The following CCDC183 variants were observed in gnomAD, a reference collection of about 807,000 sequenced individuals.
CCDC183 encodes coiled-coil domain-containing protein 183.
CCDC183 carries 63 observed loss-of-function variants against 65.2 expected under a neutral mutation model. That is an observed-to-expected ratio of 0.97 (90% CI 0.79 to 1.19). The LOEUF (loss-of-function observed/expected upper bound fraction) is 1.19, where lower values mean the gene tolerates loss of function less well. CCDC183 is among the 50% of genes most tolerant of loss of function. The pLI, the probability that CCDC183 is intolerant of heterozygous loss-of-function variation, is 0.00. For missense variants in CCDC183, 769 were observed against 689.3 expected, an observed-to-expected ratio of 1.12 and a Z score of -1.30; for synonymous variants, 323 against 276.5, an observed-to-expected ratio of 1.17 and a Z score of -1.67.
chr9:136,802,611 G>T, intron 5 of CCDC183, 53 bp from the exon 6 acceptor site: 1 of 1,552,398 alleles, frequency 6.4e-7, no homozygotes, highest in South Asian at 1.2e-5. Context: ...TAAAAGCTCG[G>T]GGCAACTGCA....
chr9:136,797,559 C>T (rs1283061062), intron 1 of CCDC183, among the ~76,000 whole-genome samples: 3 of 151,976 alleles, frequency 2.0e-5, no homozygotes, highest in Non-Finnish European at 2.9e-5. Context: ...CTGCCTCAGC[C>T]TCCCAAGTAG....
Position 136,800,429 on chromosome 9 carries a change from T to TG in CCDC183, c.479_480insG (p.Ile160MetfsTer30), listed in dbSNP as rs1304075025. The TG allele has an allele frequency of 6.2e-7, 1 of 1,612,696 alleles. No homozygotes were observed. Among genetic ancestry groups the TG allele is most frequent in the Non-Finnish European group, 8.5e-7 (1 of 1,179,502 alleles). ...GAGAACAACATCGAGAAGACAATGA[T>TG]CAAGATCATCACCAGCCAGAACATC... On this transcript the variant is annotated frameshift_variant, in exon 5 of 14. Coordinates refer to ENST00000338005, the MANE Select transcript of CCDC183 (RefSeq NM_001039374.5). LOFTEE classifies it high-confidence loss of function.
At chr9:136,806,476 ACTG>A in intron 10 of CCDC183, 25 bp from the exon 11 acceptor site, 1 of 1,612,846 alleles carries the variant, frequency 6.2e-7, no homozygotes. Context: ...TGTGCCCCTC[ACTG>A]CTGTGTCCCT....
rs1847853586 is a variant in CCDC183, at chr9:136,806,522, G to A, written c.1128G>A (p.Lys376=). Residue 376 remains lysine (K), a synonymous_variant, in exon 11 of 14, where the codon AAG becomes AAA. Coordinates refer to ENST00000338005, the MANE Select transcript of CCDC183 (RefSeq NM_001039374.5). ...PSSISFKSVE[K]KMTDMLKEEE... ...TCTGCAGCTTCAAGTCCGTTGAGAAGAAAATGACAGACATGCTAAAAGAGG... is the reference window on the plus strand; with the variant it reads ...TCTGCAGCTTCAAGTCCGTTGAGAAAAAAATGACAGACATGCTAAAAGAGG... 3.1e-6 allele frequency: 5 copies of A among 1,613,484 alleles called. No individual in the cohort carries two copies. Among genetic ancestry groups the A allele is most frequent in the African/African-American group, 1.3e-5 (1 of 75,084 alleles).
At chr9:136,798,939 G>A (rs1208986519) in intron 1 of CCDC183, among the ~76,000 whole-genome samples, 163 bp from the exon 2 acceptor site, 2 of 152,214 alleles carry the variant, frequency 1.3e-5, no homozygotes, top group African/African-American at 2.4e-5. Flanking sequence ...GCAGTGGAGC[G>A]GTGTCCCCCA....
Position 136,799,255 on chromosome 9 carries a change from G to A in CCDC183, c.192+32G>A, listed in dbSNP as rs371458616. 76 of 1,571,786 alleles carry A rather than the reference G, an allele frequency of 4.8e-5. No homozygotes were observed. In the Middle Eastern group the frequency reaches 8.6e-4, roughly 18 times the overall value. ...AAACGCCGCCCCTCCCCTCTGCCTG[G>A]CGAGCAGGGCAGGAGCTGAGTACAC... is the stretch of plus-strand genomic sequence containing the variant. On this transcript the variant is annotated intron_variant, in intron 2 of 13. Transcript: ENST00000338005.
Position 136,804,371 on chromosome 9 carries a change from G to A in CCDC183, c.667-131G>A, listed in dbSNP as rs1430765267. 1.6e-6 allele frequency: 2 copies of A among 1,258,278 alleles called. No individual in the cohort carries two copies. The highest frequency in any genetic ancestry group is 2.2e-6 in the Non-Finnish European group (2 of 925,974). The allele number at this position is 1,258,278 out of a possible 1,614,324, so 77.9% of individuals were successfully genotyped here. On this transcript the variant is annotated intron_variant, in intron 6 of 13. Coordinates refer to ENST00000338005, the MANE Select transcript of CCDC183 (RefSeq NM_001039374.5). The surrounding 1 kb of genome is among the most constrained non-coding windows in gnomAD (Gnocchi z 4.1). Reference sequence around the variant, plus strand: ...GGCACAAGTGGTTTAGGAAAAGGGTGTGGCCATTGGCCGGGGATGCAGTTC... The same window carrying A: ...GGCACAAGTGGTTTAGGAAAAGGGTATGGCCATTGGCCGGGGATGCAGTTC...
chr9:136,799,840 G>T (rs746100452), intron 3 of CCDC183, 50 bp downstream of exon 3: 2 of 1,258,840 alleles, frequency 1.6e-6, no homozygotes, highest in East Asian at 3.9e-5. Context: ...ACCCCTGCCA[G>T]CACCCCCCCA....
At chr9:136,801,998 C>G (rs1380274857) in intron 5 of CCDC183, among the ~76,000 whole-genome samples, 1 of 152,026 alleles carries the variant, frequency 6.6e-6, no homozygotes, top group Non-Finnish European at 1.5e-5. Context: ...ACTATGTTGG[C>G]CAGGCTGGTC....
chr9:136,797,498 G>A (rs927361374), intron 1 of CCDC183, among the ~76,000 whole-genome samples: 2 of 151,746 alleles, frequency 1.3e-5, no homozygotes. Flanking sequence ...CAGTGCAGTG[G>A]CGCGATCTCG....
At position 136,800,170 on chromosome 9, in the gene CCDC183, G is replaced by A. The variant is rs990966725; in HGVS notation, c.438+1G>A. 1 of 1,526,746 alleles carries A rather than the reference G, an allele frequency of 6.5e-7. No homozygotes were observed. Among genetic ancestry groups the A allele is most frequent in the Non-Finnish European group, 8.8e-7 (1 of 1,141,010 alleles). 94.6% of individuals were successfully genotyped at this position (1,526,746 alleles called of 1,614,324 possible). A position where few individuals can be genotyped will look rare whatever the true frequency, so the allele number is the denominator to read the frequency against. On this transcript the variant is annotated splice_donor_variant, in intron 4 of 13. Coordinates refer to ENST00000338005, the MANE Select transcript of CCDC183 (RefSeq NM_001039374.5). LOFTEE classifies it high-confidence loss of function. ...CAAGGAGGAGCTGCGGCTGCTGCAG[G>A]TGGAGAGGCGGGGCTGGGAGGGCGG...
rs1220454064 is a variant in CCDC183 at position 136,796,435 on chromosome 9, C to T, written c.38C>T (p.Thr13Ile). 6.3e-7 allele frequency: 1 copy of T among 1,580,980 alleles called. No homozygotes were observed. The highest frequency in any genetic ancestry group is 1.2e-5 in the South Asian group (1 of 86,332). Reference protein sequence around the residue: ...RHSETDVEEQTQELKTITQLQ... With the variant: ...RHSETDVEEQIQELKTITQLQ... ...AGTGAGACAGATGTGGAAGAGCAGA[C>T]CCAGGAGCTGAAGACCATCACTCAG... Residue 13 changes from threonine (T) to isoleucine (I), a missense_variant, in exon 1 of 14, where the codon ACC (threonine) becomes ATC (isoleucine). By Grantham distance (89) the Thr-to-Ile change is moderately conservative. Coordinates refer to ENST00000338005, the MANE Select transcript of CCDC183 (RefSeq NM_001039374.5).
chr9:136,799,456 C>A, intron 2 of CCDC183: 1 of 770,010 alleles, frequency 1.3e-6, no homozygotes, highest in Non-Finnish European at 2.0e-6. Context: ...GAGCCCACAT[C>A]CTGCAGCAGG....
rs914838347 is a variant in CCDC183, at chr9:136,804,634, C to A, written c.792+7C>A. On this transcript the variant is annotated splice_region_variant and intron_variant, in intron 7 of 13. Coordinates refer to ENST00000338005, the MANE Select transcript of CCDC183 (RefSeq NM_001039374.5). This position sits in a 1 kb window ranked among gnomAD's most constrained non-coding sequence, Gnocchi z 4.1. ...CAGCGAGAAGTACCGCCGGGTAAGC[C>A]CCAGGCCAGGGCCTGGCTGGCTGCC... is the stretch of plus-strand genomic sequence containing the variant. The A allele has an allele frequency of 6.2e-7, 1 of 1,613,516 alleles. No individual in the cohort carries two copies. The highest frequency in any genetic ancestry group is 1.3e-5 in the African/African-American group (1 of 74,906).
At position 136,804,719 on chromosome 9, in the gene CCDC183, G is replaced by T; in HGVS notation, c.793-43G>T. 1 of 1,613,228 alleles carries T rather than the reference G, an allele frequency of 6.2e-7. No homozygotes were observed. Among genetic ancestry groups the T allele is most frequent in the Non-Finnish European group, 8.5e-7 (1 of 1,179,614 alleles). The stretch of plus-strand genomic sequence containing the variant: ...GGCCACCACTCAGGGCCCACTCCCT[G>T]CCAAGGATGTCTCATCCCTTCCCCG... On this transcript the variant is annotated intron_variant, in intron 7 of 13. Transcript: ENST00000338005. This position sits in a 1 kb window ranked among gnomAD's most constrained non-coding sequence, Gnocchi z 4.1.
chr9:136,801,319 CTCCCCACCCCTG>C (rs1473777147), intron 5 of CCDC183, among the ~76,000 whole-genome samples: 4 of 151,608 alleles, frequency 2.6e-5, no homozygotes, highest in Non-Finnish European at 4.4e-5. Context: ...GCCCACCCCT[CTCCCCACCCCTG>C]TCCATGCCCC....
In CCDC183 at chr9:136,805,417, TG is replaced by T. The variant is rs777364183; in HGVS notation, c.910del (p.Glu304ArgfsTer43). 4.3e-6 allele frequency: 7 copies of T among 1,613,786 alleles called. No homozygotes were observed. On this transcript the variant is annotated frameshift_variant, in exon 9 of 14. Coordinates refer to ENST00000338005, the MANE Select transcript of CCDC183 (RefSeq NM_001039374.5). LOFTEE classifies it high-confidence loss of function. The part of the protein sequence containing the change: ...MEYQSGVTAV[V>X]EKVKSAVRCS... Reference sequence around the variant, plus strand: ...TACCAGTCGGGCGTGACTGCTGTGGTGGAGAAGGTCAAGAGTGCTGTACGGT... The same window carrying T: ...TACCAGTCGGGCGTGACTGCTGTGGTGAGAAGGTCAAGAGTGCTGTACGGT...
At chr9:136,805,639 T>C in intron 9 of CCDC183, 182 bp downstream of exon 9, 1 of 595,818 alleles carries the variant, frequency 1.7e-6, no homozygotes, top group East Asian at 2.8e-5. Context: ...TCCTTTTATC[T>C]TAATCCCATC....
At chr9:136,803,177 C>G (rs1847771526) in intron 6 of CCDC183, among the ~76,000 whole-genome samples, 1 of 42,314 alleles carries the variant, frequency 2.4e-5, no homozygotes, top group African/African-American at 1.4e-4. Flanking sequence ...CCTCTTGGAT[C>G]TTCGGATGGG....
Sources: allele counts gnomAD v4.1 joint callset (sites outside exome capture counted in the v4.1 genomes callset), GRCh38; gene constraint gnomAD v4.1.1; non-coding constraint Gnocchi (gnomAD v3.1); transcripts MANE v1.5; gene names NCBI Gene and HGNC (gene_info 2026-07-23, HGNC 2026-07-21).